Variants in GON4L observed in about 807,000 individuals in gnomAD.
GON4L encodes GON-4-like protein.
In GON4L, 87 loss-of-function variants were observed where a neutral mutation model predicts 211.8. That is an observed-to-expected ratio of 0.41 (90% CI 0.35 to 0.49). The LOEUF is 0.49. GON4L is among the 20% of genes least tolerant of loss of function. The pLI is 0.15. For missense variants in GON4L, 2,155 were observed against 2,659.5 expected (o/e 0.81, Z 4.17); for synonymous variants, 875 against 962.6 (o/e 0.91, Z 1.68).
intron 2 of GON4L, among the ~76,000 whole-genome samples, chr1:155,832,043 G>C (rs1669827287): frequency 6.6e-6 from 1 of 152,054 alleles, no homozygotes; most frequent in Non-Finnish European, 1.5e-5. Context: ...GGAAGGCCGA[G>C]GTGGGTGGAT....
At chr1:155,805,587 T>C (rs1230072450) in intron 10 of GON4L, among the ~76,000 whole-genome samples, 1 of 152,216 alleles carries the variant, frequency 6.6e-6, no homozygotes, top group Non-Finnish European at 1.5e-5. Flanking sequence ...TTGTTTCTGC[T>C]GGACATTTCA....
At chr1:155,774,591 G>C (rs1663575773) in intron 17 of GON4L, among the ~76,000 whole-genome samples, 1 of 152,090 alleles carries the variant, frequency 6.6e-6, no homozygotes, top group Admixed American at 6.6e-5. Flanking sequence ...ACAGGCGTGA[G>C]CCACCGCGCC....
At chr1:155,808,784 T>C (rs191884087) in intron 10 of GON4L, among the ~76,000 whole-genome samples, 11 of 151,816 alleles carry the variant, frequency 7.2e-5, no homozygotes, top group Admixed American at 5.9e-4. Flanking sequence ...AAGTTTTGTG[T>C]TTTTTTTGGT....
At chr1:155,824,434 CAAAAAAAAAAA>C (rs769823401) in intron 3 of GON4L, among the ~76,000 whole-genome samples, 142 of 7,434 alleles carry the variant, frequency 0.019, 1 homozygote, top group African/African-American at 0.024. Flanking sequence ...AACTCCACAT[CAAAAAAAAAAA>C]AAAAAAAAAA....
At chr1:155,746,955 A>G, downstream of GON4L, 1 of 1,602,176 alleles carries the variant, frequency 6.2e-7, no homozygotes, top group Non-Finnish European at 8.5e-7. Context: ...GATTTTAATC[A>G]TTTTAAATGT....
Position 155,766,509 on chromosome 1 carries a change from G to C in GON4L, c.2964C>G (p.Phe988Leu). 1 of 1,614,078 alleles carries C rather than the reference G, an allele frequency of 6.2e-7. No individual in the cohort carries two copies. Among genetic ancestry groups the C allele is most frequent in the Non-Finnish European group, 8.5e-7 (1 of 1,180,004 alleles). ...VLKLKPVATRFPRKAWRQKRS... is the reference protein window; with the variant it reads ...VLKLKPVATRLPRKAWRQKRS... ...GCTTCTGTCTCCAAGCCTTCCTGGGGAAACGGGTGGCAACTGGCTTCAGTT... is the reference window on the plus strand; with the variant it reads ...GCTTCTGTCTCCAAGCCTTCCTGGGCAAACGGGTGGCAACTGGCTTCAGTT... The change falls in exon 21 of 32, where the codon TTC becomes TTG. Residue 988 changes from phenylalanine to leucine, a missense_variant. Transcript: ENST00000368331.
chr1:155,773,903 T>C (rs1390981275), intron 17 of GON4L, among the ~76,000 whole-genome samples: 22 of 152,212 alleles, frequency 1.4e-4, no homozygotes, highest in Admixed American at 1.4e-3. Flanking sequence ...TGGTGTTAAA[T>C]CAAGTTTTCA....
chr1:155,829,095 G>A (rs974958412), intron 2 of GON4L, among the ~76,000 whole-genome samples: 2 of 152,098 alleles, frequency 1.3e-5, no homozygotes, highest in Non-Finnish European at 2.9e-5. Context: ...CGCCTAGCCT[G>A]GAGTGCAGTA....
intron 2 of GON4L, among the ~76,000 whole-genome samples, chr1:155,851,076 C>A (rs1458926964): frequency 6.9e-6 from 1 of 144,818 alleles, no homozygotes; most frequent in Non-Finnish European, 1.5e-5. Context: ...AAAAAAGGGC[C>A]GGGCGCGGTG....
At chr1:155,847,560 G>A (rs1017315741) in intron 2 of GON4L, among the ~76,000 whole-genome samples, 1 of 152,124 alleles carries the variant, frequency 6.6e-6, no homozygotes, top group Non-Finnish European at 1.5e-5. Context: ...AAATTAGCCA[G>A]GCATGGTAGC....
At chr1:155,827,930 G>A (rs923191200) in intron 2 of GON4L, among the ~76,000 whole-genome samples, 3 of 152,018 alleles carry the variant, frequency 2.0e-5, no homozygotes, top group African/African-American at 7.2e-5. Context: ...GATCGCTTTA[G>A]CCAGGATCCA....
Position 155,808,044 on chromosome 1 carries a change from T to TA in GON4L, c.1453-2904_1453-2903insT, listed in dbSNP as rs201523320. Among the ~76,000 whole-genome samples, 639 of 150,808 alleles carry TA rather than the reference T, an allele frequency of 4.2e-3. 3 individuals are homozygous for TA. Among genetic ancestry groups the TA allele is most frequent in the Middle Eastern group, 0.031 (9 of 292 alleles). On this transcript the variant is annotated intron_variant, in intron 10 of 31. Transcript: ENST00000368331. Reference sequence around the variant, plus strand: ...AAAAATCTTTTCTTATTTATTTATTTTTTTTTTTTTTTGAGATGGAGTCTC... The same window carrying TA: ...AAAAATCTTTTCTTATTTATTTATTTATTTTTTTTTTTTGAGATGGAGTCTC...
intron 2 of GON4L, among the ~76,000 whole-genome samples, chr1:155,841,983 G>A (rs755550252): frequency 4.6e-5 from 7 of 151,910 alleles, no homozygotes; most frequent in Admixed American, 4.6e-4. Context: ...AGCTGAGATC[G>A]TGCCACTGCA....
chr1:155,785,208 G>T (rs1039749591), intron 13 of GON4L, 126 bp downstream of exon 13: 1 of 777,854 alleles, frequency 1.3e-6, no homozygotes, highest in Non-Finnish European at 2.4e-6. Context: ...TTCCCAGGTA[G>T]ACTAAAAGGA....
rs759258348 is a variant in GON4L, at chr1:155,815,833, T to G, written c.1133A>C (p.Asp378Ala). ...DSSDEEYQPD[D>A]EEEDETAEES... ...TTCAGCAGTTTCATCTTCTTCTTCATCATCCGGCTGGTATTCTTCATCTGA... is the reference window on the plus strand; with the variant it reads ...TTCAGCAGTTTCATCTTCTTCTTCAGCATCCGGCTGGTATTCTTCATCTGA... Residue 378 changes from aspartate (D) to alanine (A), a missense_variant, in exon 8 of 32, where the codon GAT becomes GCT. Asp to Ala is a moderately radical substitution (Grantham distance 126). Around this residue, in one of 6 missense-constraint regions of GON4L, gnomAD observed 551 missense variants for 854.0 expected, o/e 0.65. Transcript: ENST00000368331. 6.2e-7 allele frequency: 1 copy of G among 1,606,690 alleles called. No individual in the cohort carries two copies. The highest frequency in any genetic ancestry group is 1.3e-5 in the African/African-American group (1 of 74,794).
chr1:155,768,294 A>G (rs1470541864), intron 19 of GON4L, among the ~76,000 whole-genome samples: 1 of 123,694 alleles, frequency 8.1e-6, no homozygotes, highest in African/African-American at 3.1e-5. Context: ...TGGGTGACAC[A>G]GTGAGACTCC....
At chr1:155,796,100 T>C (rs1227293908) in intron 11 of GON4L, among the ~76,000 whole-genome samples, 1 of 152,082 alleles carries the variant, frequency 6.6e-6, no homozygotes, top group African/African-American at 2.4e-5. Context: ...TATGTAACCA[T>C]TCTATAAAAG....
intron 12 of GON4L, among the ~76,000 whole-genome samples, chr1:155,793,001 T>C (rs2101977833): frequency 6.6e-6 from 1 of 152,228 alleles, no homozygotes; most frequent in East Asian, 1.9e-4. Context: ...CCTGGGCTCA[T>C]GCGATCCTTC....
chr1:155,814,291 A>C, intron 9 of GON4L, 39 bp downstream of exon 9: 1 of 1,573,376 alleles, frequency 6.4e-7, no homozygotes, highest in South Asian at 1.1e-5. Flanking sequence ...CTACTTAGAC[A>C]GTTATGTCTA....
Sources: allele counts gnomAD v4.1 joint callset (sites outside exome capture counted in the v4.1 genomes callset), GRCh38; gene constraint gnomAD v4.1.1; regional missense constraint gnomAD v4.1.1; transcripts MANE v1.5; gene names NCBI Gene and HGNC (gene_info 2026-07-23, HGNC 2026-07-21).